The following SMARCA1 variants were observed in gnomAD, a reference collection of about 807,000 sequenced individuals.
The protein encoded by SMARCA1 is SNF2 related chromatin remodeling ATPase 1.
Under a neutral mutation model 93.6 loss-of-function variants are expected in SMARCA1, and 17 were observed. That is an observed-to-expected ratio of 0.18 (90% CI 0.12 to 0.27). The LOEUF is 0.27. Among genes scored for constraint, SMARCA1 ranks in the 10% least tolerant of loss-of-function variants. The pLI, the probability that SMARCA1 is intolerant of heterozygous loss-of-function variation, is 1.00. For missense variants in SMARCA1, 630 were observed against 819.0 expected, an observed-to-expected ratio of 0.77 and a Z score of 2.82; for synonymous variants, 271 against 271.4, an observed-to-expected ratio of 1.00 and a Z score of 0.01.
chrX:129,518,369 C>G lies in SMARCA1; in HGVS notation c.253G>C (p.Glu85Gln). The change falls in exon 2 of 25, where the codon GAG becomes CAG. Residue 85 changes from glutamate (E) to glutamine (Q), a missense_variant. This residue lies in a region of SMARCA1 where 103 missense variants were observed against 82.0 expected (regional missense o/e 1.26). Coordinates refer to ENST00000371121, the MANE Select transcript of SMARCA1 (RefSeq NM_001282874.2). Reference protein sequence around the residue: ...SEKEMDPEYEEKMKADRAKRF... With the variant: ...SEKEMDPEYEQKMKADRAKRF... ...TCCAAGACTACATTTACCATTTTCT[C>G]TTCATATTCTGGGTCCATTTCCTTT... 1.7e-6 allele frequency: 2 copies of G among 1,166,876 alleles called. No individual in the cohort carries two copies. The highest frequency in any genetic ancestry group is 1.9e-5 in the South Asian group (1 of 52,947).
At chrX:129,509,679 T>A (rs1934956413) in intron 6 of SMARCA1, among the ~76,000 whole-genome samples, 1 of 112,028 alleles carries the variant, frequency 8.9e-6, no homozygotes, top group South Asian at 3.7e-4. Context: ...TGTCACATAA[T>A]CCAAAAGCTC....
chrX:129,460,435 A>G (rs1315093522), intron 23 of SMARCA1, among the ~76,000 whole-genome samples: 1 of 110,483 alleles, frequency 9.1e-6, no homozygotes, highest in Non-Finnish European at 1.9e-5. Flanking sequence ...GGATCACTTG[A>G]GGTCAGGAGT....
intron 23 of SMARCA1, among the ~76,000 whole-genome samples, chrX:129,450,137 G>A (rs1344900042): frequency 8.9e-6 from 1 of 112,187 alleles, no homozygotes; most frequent in Non-Finnish European, 1.9e-5. Context: ...TGTATTTGAA[G>A]ATGGGGACTT....
Position 129,511,977 on chromosome X carries a change from C to T in SMARCA1, c.637G>A (p.Gly213Arg). The change falls in exon 6 of 25, where the codon GGG becomes AGG. Residue 213 changes from glycine to arginine, a missense_variant. Transcript: ENST00000371121. ...AAAGCAATTGTTTGTAAAGTTTTCC[C>T]AAGGCCCTGCATTATCATCACAAGG... ...NGILADEMGL[G>R]KTLQTIALLG... is the part of the protein sequence containing the mutation. The T allele has an allele frequency of 1.7e-6, 2 of 1,190,951 alleles. No homozygotes were observed. The highest frequency in any genetic ancestry group is 2.3e-6 in the Non-Finnish European group (2 of 884,468).
intron 23 of SMARCA1, among the ~76,000 whole-genome samples, chrX:129,453,060 T>C (rs770050637): frequency 4.4e-4 from 49 of 111,512 alleles, no homozygotes; most frequent in Non-Finnish European, 7.7e-4. Context: ...TTTATAAATG[T>C]TGTGTGTATT....
intron 19 of SMARCA1, among the ~76,000 whole-genome samples, chrX:129,472,850 C>A (rs1933198978): frequency 9.0e-6 from 1 of 111,633 alleles, no homozygotes; most frequent in Non-Finnish European, 1.9e-5. Context: ...AATGTCAGAG[C>A]TCAAAAAGTT....
intron 21 of SMARCA1, among the ~76,000 whole-genome samples, chrX:129,466,406 G>C (rs1241861641): frequency 1.8e-5 from 2 of 111,723 alleles, no homozygotes; most frequent in African/African-American, 6.5e-5. Flanking sequence ...TGTAATCCCA[G>C]CACTTTGGGA....
At chrX:129,515,608 G>T in intron 5 of SMARCA1, 79 bp downstream of exon 5, 1 of 637,618 alleles carries the variant, frequency 1.6e-6, no homozygotes, top group Non-Finnish European at 2.6e-6. Flanking sequence ...CATCAGGGGG[G>T]CAGGTAAGCT....
chrX:129,479,488 A>T (rs1340525209), intron 19 of SMARCA1, among the ~76,000 whole-genome samples: 1 of 110,363 alleles, frequency 9.1e-6, no homozygotes, highest in Non-Finnish European at 1.9e-5. Flanking sequence ...ATAATGAGTT[A>T]AGATATAAGT....
intron 20 of SMARCA1, among the ~76,000 whole-genome samples, chrX:129,470,393 A>AAAT (rs200015779): frequency 3.6e-5 from 4 of 110,290 alleles, no homozygotes; most frequent in East Asian, 2.8e-4. Flanking sequence ...TGATCACCTT[A>AAAT]AATAATAATA....
rs778125178 is a variant in SMARCA1 at position 129,489,105 on chromosome X, T to A, written c.1949-20A>T. On this transcript the variant is annotated intron_variant, in intron 15 of 24. Transcript: ENST00000371121. ...GTCTTCCTAATGATAAAAATTGAAA[T>A]TGTACATATTCAATCAATCATATTC... 2 of 1,069,107 alleles carry A rather than the reference T, an allele frequency of 1.9e-6. No homozygotes were observed. The highest frequency in any genetic ancestry group is 2.6e-6 in the Non-Finnish European group (2 of 773,200). 88.1% of individuals were successfully genotyped at this position (1,069,107 alleles called of 1,213,427 possible).
At chrX:129,471,578 C>A (rs1427000577) in intron 19 of SMARCA1, among the ~76,000 whole-genome samples, 1 of 111,546 alleles carries the variant, frequency 9.0e-6, no homozygotes, top group East Asian at 2.8e-4. Context: ...TATGATTATA[C>A]CCTGGAACAA....
chrX:129,514,120 G>C (rs989181626), intron 5 of SMARCA1, among the ~76,000 whole-genome samples: 4 of 112,676 alleles, frequency 3.6e-5, no homozygotes, highest in Non-Finnish European at 7.5e-5. Flanking sequence ...GAGGTCAGGA[G>C]ATCGAGACCA....
At chrX:129,520,306 T>C (rs1252221129) in intron 1 of SMARCA1, among the ~76,000 whole-genome samples, 4 of 110,446 alleles carry the variant, frequency 3.6e-5, no homozygotes. Context: ...AAATGGCTTG[T>C]TTTAAAGACC....
chrX:129,484,502 A>C (rs1389280711), intron 17 of SMARCA1, among the ~76,000 whole-genome samples: 1 of 111,954 alleles, frequency 8.9e-6, no homozygotes, highest in African/African-American at 3.2e-5. Context: ...ACAGTGCAAA[A>C]CCAAAATGTC....
At chrX:129,516,885 A>G (rs1199568811) in intron 2 of SMARCA1, among the ~76,000 whole-genome samples, 1 of 111,932 alleles carries the variant, frequency 8.9e-6, no homozygotes, top group Admixed American at 9.5e-5. Flanking sequence ...TAACAAAATT[A>G]AGCATCAAAT....
At chrX:129,455,563 AC>A (rs1186416606) in intron 23 of SMARCA1, among the ~76,000 whole-genome samples, 5 of 110,561 alleles carry the variant, frequency 4.5e-5, no homozygotes, top group Non-Finnish European at 9.4e-5. Context: ...TATGTAACAA[AC>A]CTGCACATTC....
intron 17 of SMARCA1, among the ~76,000 whole-genome samples, chrX:129,485,032 A>C (rs747535534): frequency 9.8e-5 from 11 of 112,375 alleles, no homozygotes; most frequent in Non-Finnish European, 2.1e-4. Context: ...TGAGGTTGGA[A>C]CTCCTACACA....
intron 10 of SMARCA1, 112 bp from the exon 11 acceptor site, chrX:129,498,183 T>C (rs1436630290): frequency 1.8e-5 from 9 of 505,306 alleles, no homozygotes; most frequent in Non-Finnish European, 2.8e-5. Flanking sequence ...AAGATTTGAT[T>C]TGAGATTAAA....
Sources: gnomAD v4.1 joint callset for allele counts (sites outside exome capture counted in the v4.1 genomes callset) on GRCh38, gnomAD v4.1.1 for gene constraint, gnomAD v4.1.1 regional missense constraint, MANE v1.5 for transcripts, NCBI Gene and HGNC (gene_info 2026-07-23, HGNC 2026-07-21) for gene names.